The following TXNDC16 variants were observed in gnomAD, a reference collection of about 807,000 sequenced individuals.
TXNDC16 encodes the protein thioredoxin domain-containing protein 16.
TXNDC16 carries 74 observed loss-of-function variants against 85.6 expected under a neutral mutation model. The observed-to-expected ratio is 0.86, with a 90% confidence interval of 0.72 to 1.05. TXNDC16 has a LOEUF of 1.05. Among genes scored for constraint, TXNDC16 ranks in the 50% least tolerant of loss-of-function variants. TXNDC16 has a pLI of 0.00. For missense variants in TXNDC16, 959 were observed against 947.0 expected (o/e 1.01, Z -0.17); for synonymous variants, 335 against 326.5 (o/e 1.03, Z -0.28).
At chr14:52,547,254 A>C (rs1053452756) in intron 1 of TXNDC16, among the ~76,000 whole-genome samples, 2 of 152,232 alleles carry the variant, frequency 1.3e-5, no homozygotes, top group Non-Finnish European at 2.9e-5. Flanking sequence ...GATGTGGCCA[A>C]GAGTAACAAA....
intron 18 of TXNDC16, among the ~76,000 whole-genome samples, chr14:52,451,418 G>A (rs1487209405): frequency 6.6e-6 from 1 of 152,018 alleles, no homozygotes; most frequent in Admixed American, 6.6e-5. Flanking sequence ...CAATATCATT[G>A]ATGAATATCA....
chr14:52,550,620 G>A (rs754007541), intron 1 of TXNDC16, among the ~76,000 whole-genome samples: 1 of 152,138 alleles, frequency 6.6e-6, no homozygotes, highest in African/African-American at 2.4e-5. Flanking sequence ...AAATTAGTAT[G>A]GGTACTATCC....
At chr14:52,538,938 T>A (rs192816207) in intron 4 of TXNDC16, among the ~76,000 whole-genome samples, 204 of 152,256 alleles carry the variant, frequency 1.3e-3, no homozygotes, top group Admixed American at 3.0e-3. Flanking sequence ...AACCAAAAAG[T>A]AAATTTTAAT....
Position 52,440,611 on chromosome 14 carries a change from C to A in TXNDC16, c.1956G>T (p.Leu652=), listed in dbSNP as rs1179207465. The change falls in exon 19 of 21, where the codon CTG becomes CTT. Residue 652 remains leucine (L), a synonymous_variant. Transcript: ENST00000281741. Reference sequence around the variant, plus strand: ...ATGAATCCAAGTATTTCTGCTTTACCAGTGTCAATATTGCTTTTTTATACT... The same window carrying A: ...ATGAATCCAAGTATTTCTGCTTTACAAGTGTCAATATTGCTTTTTTATACT... ...NPQYKKAILT[L]VKQKYLDSFT... is the part of the protein sequence containing the mutation. 10 of 1,608,122 alleles carry A rather than the reference C, an allele frequency of 6.2e-6. No homozygotes were observed. The highest frequency in any genetic ancestry group is 8.5e-6 in the Non-Finnish European group (10 of 1,178,098).
intron 7 of TXNDC16, among the ~76,000 whole-genome samples, chr14:52,517,158 G>C (rs9323232): frequency 0.51 from 77,739 of 151,842 alleles, 20,874 homozygotes; most frequent in East Asian, 0.7. Flanking sequence ...AGGTCCTCCC[G>C]CTCTGGTCTT....
At chr14:52,530,661 T>C (rs2037550848) in intron 6 of TXNDC16, among the ~76,000 whole-genome samples, 1 of 124,612 alleles carries the variant, frequency 8.0e-6, no homozygotes, top group Admixed American at 1.1e-4. Flanking sequence ...GGTATATATA[T>C]GTGTATATAT....
chr14:52,507,965 G>C (rs1424968557), intron 9 of TXNDC16, among the ~76,000 whole-genome samples: 1 of 152,154 alleles, frequency 6.6e-6, no homozygotes, highest in Admixed American at 6.5e-5. Context: ...AAAAACCCTA[G>C]AAGAAAACCT....
rs1386379945 is a variant in TXNDC16 at position 52,491,014 on chromosome 14, A to G, written c.757-9T>C. 34 of 190,714 alleles carry G rather than the reference A, an allele frequency of 1.8e-4. No homozygotes were observed. The highest frequency in any genetic ancestry group is 2.8e-4 in the East Asian group (1 of 3,624). 11.8% of individuals were successfully genotyped at this position (190,714 alleles called of 1,614,324 possible). ...TCTTCAGCAACTTCAGTCTTCATTG[A>G]AAAAAAAAAAAAAAAAAGGTGTGAT... On this transcript the variant is annotated splice_polypyrimidine_tract_variant and intron_variant, in intron 9 of 20. Coordinates refer to ENST00000281741, the MANE Select transcript of TXNDC16 (RefSeq NM_020784.3).
chr14:52,522,961 A>T (rs1232929459), intron 6 of TXNDC16, among the ~76,000 whole-genome samples: 1 of 152,230 alleles, frequency 6.6e-6, no homozygotes, highest in Non-Finnish European at 1.5e-5. Flanking sequence ...AAGCTCATTA[A>T]GTAGTCATTA....
intron 6 of TXNDC16, among the ~76,000 whole-genome samples, chr14:52,526,805 C>A (rs1009453995): frequency 6.6e-6 from 1 of 152,200 alleles, no homozygotes. Context: ...TCAGCTCTAA[C>A]CCTCAGTCTC....
At chr14:52,540,684 A>T (rs2037810585) in intron 4 of TXNDC16, among the ~76,000 whole-genome samples, 1 of 152,200 alleles carries the variant, frequency 6.6e-6, no homozygotes, top group Admixed American at 6.5e-5. Flanking sequence ...TATTACAATG[A>T]TCAGGTTCTG....
chr14:52,469,944 A>G, intron 16 of TXNDC16, 93 bp downstream of exon 16: 1 of 1,237,778 alleles, frequency 8.1e-7, no homozygotes, highest in South Asian at 1.8e-5. Flanking sequence ...TAATTTTGAA[A>G]TTCTCTATAA....
chr14:52,529,315 C>A (rs969648619), intron 6 of TXNDC16, among the ~76,000 whole-genome samples: 38 of 148,946 alleles, frequency 2.6e-4, no homozygotes. Flanking sequence ...CACACTGGGG[C>A]CTGTTGTGGG....
At chr14:52,435,166 G>C (rs1185284085) in intron 20 of TXNDC16, among the ~76,000 whole-genome samples, 5 of 151,776 alleles carry the variant, frequency 3.3e-5, no homozygotes, top group Admixed American at 2.6e-4. Context: ...TTGTAGAGGA[G>C]GAAACCAAGA....
intron 6 of TXNDC16, among the ~76,000 whole-genome samples, chr14:52,533,275 G>A (rs2037625111): frequency 1.3e-5 from 2 of 152,272 alleles, no homozygotes; most frequent in African/African-American, 4.8e-5. Context: ...TGGGTAGCAT[G>A]AGGTAGGAAA....
chr14:52,534,642 A>G (rs2037658417), intron 6 of TXNDC16, among the ~76,000 whole-genome samples: 1 of 151,122 alleles, frequency 6.6e-6, no homozygotes, highest in South Asian at 2.1e-4. Flanking sequence ...ATAAATATCC[A>G]CCCTCATTCT....
At chr14:52,480,832 G>A (rs1040715558) in intron 14 of TXNDC16, among the ~76,000 whole-genome samples, 3 of 151,614 alleles carry the variant, frequency 2.0e-5, no homozygotes, top group Non-Finnish European at 4.4e-5. Context: ...AGGAAAATAA[G>A]TCACTATATG....
chr14:52,493,236 T>C lies in TXNDC16; in HGVS notation c.757-2231A>G, dbSNP rs952970717. ...ATATATACACACACACACACACACA[T>C]ATTTAAAAGTCACCAAGTCCCACCA... On this transcript the variant is annotated intron_variant, in intron 9 of 20. Transcript: ENST00000281741. Among the ~76,000 whole-genome samples, 66 of 130,618 alleles carry C rather than the reference T, an allele frequency of 5.1e-4. 3 individuals carry two copies. The East Asian group carries it at 0.016, about 32-fold the overall frequency. 85.7% of individuals were successfully genotyped at this position (130,618 alleles called of 152,430 possible). A position where few individuals can be genotyped will look rare whatever the true frequency, so the allele number is the denominator to read the frequency against.
intron 20 of TXNDC16, among the ~76,000 whole-genome samples, chr14:52,436,946 C>G (rs1269524814): frequency 6.6e-6 from 1 of 151,812 alleles, no homozygotes; most frequent in Non-Finnish European, 1.5e-5. Flanking sequence ...TAATAAAATC[C>G]TTATATAGTA....
Sources: gnomAD v4.1 joint callset for allele counts (sites outside exome capture counted in the v4.1 genomes callset) on GRCh38, gnomAD v4.1.1 for gene constraint, MANE v1.5 for transcripts, NCBI Gene and HGNC (gene_info 2026-07-23, HGNC 2026-07-21) for gene names.